The following XPO4 variants were observed in gnomAD, a reference collection of about 807,000 sequenced individuals.
XPO4 encodes the protein exportin 4, also known as exportin-4.
In XPO4, 39 loss-of-function variants were observed where a neutral mutation model predicts 143.0. The ratio of observed to expected loss-of-function variants is 0.27; its 90% CI spans 0.21 to 0.36. The LOEUF (loss-of-function observed/expected upper bound fraction) is 0.36. XPO4 is among the 10% of genes least tolerant of loss of function. The probability of loss-of-function intolerance (pLI) is 1.00; values close to 1 mark genes in which losing one functional copy is unlikely to be tolerated. For missense variants in XPO4, 907 were observed against 1,348.0 expected (o/e 0.67, Z 5.12); for synonymous variants, 439 against 474.0 (o/e 0.93, Z 0.96).
intron 14 of XPO4, among the ~76,000 whole-genome samples, chr13:20,800,560 AAC>A (rs2059419054): frequency 6.6e-6 from 1 of 152,220 alleles, no homozygotes; most frequent in Non-Finnish European, 1.5e-5. Context: ...TTAAAAAATT[AAC>A]ATAGTATTAA....
intron 7 of XPO4, among the ~76,000 whole-genome samples, chr13:20,824,392 A>G (rs573647700): frequency 6.6e-6 from 1 of 152,226 alleles, no homozygotes; most frequent in East Asian, 1.9e-4. Flanking sequence ...ATAAGAATAC[A>G]TCTCACAATC....
At chr13:20,886,256 C>A (rs1033459576) in intron 1 of XPO4, among the ~76,000 whole-genome samples, 2 of 151,302 alleles carry the variant, frequency 1.3e-5, no homozygotes, top group African/African-American at 4.9e-5. Flanking sequence ...ATTGATTTAA[C>A]ATAACAATAA....
intron 9 of XPO4, among the ~76,000 whole-genome samples, chr13:20,813,841 C>A (rs1189655772): frequency 6.6e-6 from 1 of 151,982 alleles, no homozygotes; most frequent in African/African-American, 2.4e-5. Flanking sequence ...GCCTGTAGTT[C>A]CACCTACTCA....
intron 15 of XPO4, 85 bp downstream of exon 15, chr13:20,800,070 CA>C: frequency 6.9e-7 from 1 of 1,451,134 alleles, no homozygotes; most frequent in Non-Finnish European, 9.3e-7. Context: ...AACCATTTGC[CA>C]GTTCAAAGGA....
At position 20,809,834 on chromosome 13, in the gene XPO4, T is replaced by C; in HGVS notation, c.1307A>G (p.Tyr436Cys). The change falls in exon 10 of 23, where the codon TAT becomes TGT. Residue 436 changes from tyrosine to cysteine, a missense_variant. Tyr to Cys is a radical substitution (Grantham distance 194). Transcript: ENST00000255305. ...TQHAVQVFNSYIQCHLAAPDG... is the reference protein window; with the variant it reads ...TQHAVQVFNSCIQCHLAAPDG... Reference sequence around the variant, plus strand: ...TGGAGCAGCTAGGTGGCACTGAATATAGGAATTGAAAACTTGAACTGCATG... The same window carrying C: ...TGGAGCAGCTAGGTGGCACTGAATACAGGAATTGAAAACTTGAACTGCATG... The C allele has an allele frequency of 1.9e-6, 3 of 1,613,664 alleles. No homozygotes were observed. The highest frequency in any genetic ancestry group is 2.5e-6 in the Non-Finnish European group (3 of 1,179,776).
intron 4 of XPO4, chr13:20,848,352 A>T: frequency 1.0e-6 from 1 of 985,420 alleles, no homozygotes; most frequent in Non-Finnish European, 1.2e-6. Context: ...TCCTTCTTCA[A>T]ATAACTGTGG....
intron 1 of XPO4, chr13:20,902,207 G>T (rs1198710334): frequency 1.0e-6 from 1 of 985,220 alleles, no homozygotes; most frequent in Non-Finnish European, 1.2e-6. Context: ...AGCGCTAGAG[G>T]ATGCGAATGC....
intron 15 of XPO4, 71 bp from the exon 16 acceptor site, chr13:20,799,410 C>T: frequency 8.0e-7 from 1 of 1,252,966 alleles, no homozygotes; most frequent in East Asian, 2.4e-5. Context: ...CATATACACA[C>T]AAAGAAAACA....
chr13:20,838,400 G>A (rs1187869116), intron 6 of XPO4, among the ~76,000 whole-genome samples: 2 of 151,430 alleles, frequency 1.3e-5, no homozygotes, highest in African/African-American at 4.8e-5. Context: ...ACGAGGTCAG[G>A]AGATCAAGAC....
chr13:20,856,072 A>C (rs1046203150), intron 3 of XPO4, among the ~76,000 whole-genome samples: 1 of 152,202 alleles, frequency 6.6e-6, no homozygotes, highest in Non-Finnish European at 1.5e-5. Context: ...TGCCCAGTAC[A>C]TACTAAGCAC....
intron 2 of XPO4, chr13:20,866,276 A>G (rs2060244277): frequency 1.0e-6 from 1 of 984,898 alleles, no homozygotes; most frequent in South Asian, 4.7e-5. Flanking sequence ...AAGAAAATAA[A>G]AACTAGAATG....
intron 2 of XPO4, among the ~76,000 whole-genome samples, chr13:20,863,298 T>C (rs1224688389): frequency 6.6e-6 from 1 of 152,238 alleles, no homozygotes; most frequent in Non-Finnish European, 1.5e-5. Flanking sequence ...TATTTCATTT[T>C]TAAGTATTAA....
chr13:20,790,481 AT>A lies in XPO4; in HGVS notation c.2896del (p.Met966CysfsTer6). ...AATTACCTTCAAGAGATCCTGTGAC[AT>A]CAAGGGCAGAATTAGGTTTACTCCA... ...LYGVNLILPL[M>X]SQDLLKFPTL... On this transcript the variant is annotated frameshift_variant, in exon 19 of 23. Transcript: ENST00000255305. LOFTEE classifies it high-confidence loss of function. 1 of 1,614,046 alleles carries A rather than the reference AT, an allele frequency of 6.2e-7. No individual in the cohort carries two copies. Among genetic ancestry groups the A allele is most frequent in the Non-Finnish European group, 8.5e-7 (1 of 1,179,900 alleles).
rs1311514779 is a variant in XPO4 at position 20,778,303 on chromosome 13, A to G, written c.*5419T>C. 1 of 152,224 alleles carries G rather than the reference A, an allele frequency of 6.6e-6. No homozygotes were observed. Among genetic ancestry groups the G allele is most frequent in the Non-Finnish European group, 1.5e-5 (1 of 68,032 alleles). 9.4% of individuals were successfully genotyped at this position (152,224 alleles called of 1,614,324 possible). ...TTTCTTTATCCACCTTTGGAGTGGA[A>G]TAAATCTCAATATAAGCTAAATAAC... On this transcript the variant is annotated 3_prime_UTR_variant, in exon 23 of 23. Coordinates refer to ENST00000255305, the MANE Select transcript of XPO4 (RefSeq NM_022459.5).
chr13:20,857,706 A>G (rs2060158230), intron 3 of XPO4: 3 of 447,178 alleles, frequency 6.7e-6, no homozygotes, highest in African/African-American at 6.4e-5. Context: ...CAGCCTGGGC[A>G]ACAGAGCGAG....
At chr13:20,866,046 T>A (rs2060242159) in intron 2 of XPO4, 1 of 985,284 alleles carries the variant, frequency 1.0e-6, no homozygotes, top group Admixed American at 6.1e-5. Context: ...CAAAGTTAGC[T>A]CCAGAAGAAG....
At chr13:20,858,334 T>C (rs1251972167) in intron 3 of XPO4, among the ~76,000 whole-genome samples, 3 of 152,192 alleles carry the variant, frequency 2.0e-5, no homozygotes, top group African/African-American at 7.2e-5. Flanking sequence ...GCCAATTATA[T>C]CAAGAGTATT....
At chr13:20,812,328 A>G (rs2059592738) in intron 9 of XPO4, among the ~76,000 whole-genome samples, 1 of 152,142 alleles carries the variant, frequency 6.6e-6, no homozygotes, top group Admixed American at 6.5e-5. Context: ...ACTTATATAA[A>G]AACTACAGTA....
chr13:20,842,568 G>T (rs964314371), intron 6 of XPO4, among the ~76,000 whole-genome samples: 1 of 152,004 alleles, frequency 6.6e-6, no homozygotes. Flanking sequence ...AAAATGATTC[G>T]GTTTCTTAAA....
Sources: gnomAD v4.1 joint callset for allele counts (sites outside exome capture counted in the v4.1 genomes callset) on GRCh38, gnomAD v4.1.1 for gene constraint, MANE v1.5 for transcripts, NCBI Gene and HGNC (gene_info 2026-07-23, HGNC 2026-07-21) for gene names.